Variants in MACROD2 observed in about 807,000 individuals in gnomAD.
MACROD2 encodes mono-ADP ribosylhydrolase 2.
Under a neutral mutation model 70.4 loss-of-function variants are expected in MACROD2, and 36 were observed. That is an observed-to-expected ratio of 0.51 (90% CI 0.39 to 0.68). The LOEUF (loss-of-function observed/expected upper bound fraction) is 0.68, where lower values mean the gene tolerates loss of function less well. Ranked by LOEUF, MACROD2 falls within the 30% of genes least tolerant of loss-of-function variation. The pLI is 0.00. For synonymous variants in MACROD2, 172 were observed against 178.8 expected, an observed-to-expected ratio of 0.96 and a Z score of 0.30; for missense variants, 496 against 538.4, an observed-to-expected ratio of 0.92 and a Z score of 0.78.
intron 8 of MACROD2, among the ~76,000 whole-genome samples, chr20:15,526,913 C>T (rs1048632284): frequency 3.9e-5 from 6 of 152,092 alleles, no homozygotes; most frequent in South Asian, 2.1e-4. Flanking sequence ...TTCCTAGGCA[C>T]AATTCATTTA....
At chr20:15,297,463 A>T (rs6043180) in intron 6 of MACROD2, among the ~76,000 whole-genome samples, 67,651 of 152,026 alleles carry the variant, frequency 0.44, 15,727 homozygotes, top group African/African-American at 0.6. Context: ...TTTACTAGCA[A>T]AGAGGGCCAT....
intron 5 of MACROD2, among the ~76,000 whole-genome samples, chr20:15,020,505 A>G (rs961556143): frequency 6.6e-6 from 1 of 152,198 alleles, no homozygotes; most frequent in African/African-American, 2.4e-5. Flanking sequence ...GCCAATTTTA[A>G]AAGGCTACAT....
At chr20:14,193,717 GAAA>G (rs1160122796) in intron 3 of MACROD2, among the ~76,000 whole-genome samples, 1 of 152,064 alleles carries the variant, frequency 6.6e-6, no homozygotes, top group African/African-American at 2.4e-5. Flanking sequence ...GTGGGAAAGA[GAAA>G]AAAATACCCT....
chr20:14,552,860 A>C (rs1978752770), intron 4 of MACROD2, among the ~76,000 whole-genome samples: 1 of 152,178 alleles, frequency 6.6e-6, no homozygotes, highest in African/African-American at 2.4e-5. Context: ...TGCAGGACTG[A>C]AAGTTGCTTT....
chr20:15,221,965 A>G (rs1161569615), intron 5 of MACROD2, among the ~76,000 whole-genome samples: 2 of 152,214 alleles, frequency 1.3e-5, no homozygotes, highest in Non-Finnish European at 2.9e-5. Context: ...AACCTTAGAC[A>G]TAGATATCTT....
intron 3 of MACROD2, among the ~76,000 whole-genome samples, chr20:14,217,978 A>T (rs1290320712): frequency 6.6e-6 from 1 of 152,142 alleles, no homozygotes; most frequent in Non-Finnish European, 1.5e-5. Context: ...GTTGAATAGA[A>T]TGTGTATTCT....
In MACROD2 at chr20:16,045,855, T is replaced by G. The variant is rs1035244649; in HGVS notation, c.1300+1216T>G. Among the ~76,000 whole-genome samples, 3 of 152,156 alleles carry G rather than the reference T, an allele frequency of 2.0e-5. No homozygotes were observed. In the East Asian group the frequency reaches 5.8e-4, roughly 29 times the overall value. ...GGGAGCAAAATGGAGCTAGTCATGC[T>G]AAGCCTCCTTTACACTGCTACCTGA... On this transcript the variant is annotated intron_variant, in intron 17 of 17. Coordinates refer to ENST00000684519, the MANE Select transcript of MACROD2 (RefSeq NM_001351661.2).
chr20:15,846,416 C>T (rs749671390), intron 8 of MACROD2, among the ~76,000 whole-genome samples: 6 of 152,022 alleles, frequency 3.9e-5, no homozygotes, highest in South Asian at 4.1e-4. Flanking sequence ...GTTTGCCCCA[C>T]CCCTCCAACA....
At position 15,249,699 on chromosome 20, in the gene MACROD2, G is replaced by A. The variant is rs79409612; in HGVS notation, c.540+19638G>A. On this transcript the variant is annotated intron_variant, in intron 6 of 17. Coordinates refer to ENST00000684519, the MANE Select transcript of MACROD2 (RefSeq NM_001351661.2). ...CAGTTTCAAAATTAGATCATGCAAC[G>A]TTCCTTTTCTTGATGCTACGTTATT... Among the ~76,000 whole-genome samples, 352 of 152,312 alleles carry A rather than the reference G, an allele frequency of 2.3e-3. 6 individuals carry two copies. In the East Asian group the frequency reaches 0.062, roughly 27 times the overall value.
chr20:14,712,777 G>T (rs1370828653), intron 5 of MACROD2, among the ~76,000 whole-genome samples: 1 of 152,052 alleles, frequency 6.6e-6, no homozygotes, highest in African/African-American at 2.4e-5. Context: ...CACTCAGTTA[G>T]ACTGTTGGGA....
intron 3 of MACROD2, among the ~76,000 whole-genome samples, chr20:14,109,230 A>G (rs963472467): frequency 6.6e-6 from 1 of 152,046 alleles, no homozygotes; most frequent in African/African-American, 2.4e-5. Context: ...GGTAACGGAG[A>G]CAAAATGTAC....
chr20:15,742,120 A>G (rs2051114631), intron 8 of MACROD2, among the ~76,000 whole-genome samples: 1 of 152,128 alleles, frequency 6.6e-6, no homozygotes, highest in African/African-American at 2.4e-5. Context: ...GATTTATTCT[A>G]TTTTCTTTAT....
intron 5 of MACROD2, among the ~76,000 whole-genome samples, chr20:14,810,373 T>G (rs1346807420): frequency 6.6e-6 from 1 of 152,070 alleles, no homozygotes; most frequent in Non-Finnish European, 1.5e-5. Context: ...GGAAAAGCCT[T>G]TGATAAAATT....
intron 3 of MACROD2, among the ~76,000 whole-genome samples, chr20:14,384,450 C>G (rs1033400242): frequency 6.7e-6 from 1 of 149,434 alleles, no homozygotes; most frequent in Non-Finnish European, 1.5e-5. Context: ...AAGATAAATA[C>G]AAATGTTTTG....
intron 3 of MACROD2, among the ~76,000 whole-genome samples, chr20:14,100,788 T>G (rs1283956375): frequency 7.3e-6 from 1 of 137,382 alleles, no homozygotes; most frequent in African/African-American, 2.7e-5. Context: ...TATTACATAT[T>G]ATATATTATA....
chr20:15,288,979 C>A lies in MACROD2; in HGVS notation c.540+58918C>A, dbSNP rs572285577. ...CAAAGACTGTTTCTGACACTATTGA[C>A]CAATATCCACATCAAGGGTCTGGTT... On this transcript the variant is annotated intron_variant, in intron 6 of 17. Coordinates refer to ENST00000684519, the MANE Select transcript of MACROD2 (RefSeq NM_001351661.2). Among the ~76,000 whole-genome samples, 27 of 152,080 alleles carry A rather than the reference C, an allele frequency of 1.8e-4. No homozygotes were observed. The East Asian group carries it at 4.1e-3, about 23-fold the overall frequency.
intron 2 of MACROD2, among the ~76,000 whole-genome samples, chr20:14,030,112 A>G (rs2053228281): frequency 6.6e-6 from 1 of 152,218 alleles, no homozygotes; most frequent in Non-Finnish European, 1.5e-5. Flanking sequence ...AGCTCACTGC[A>G]GCCTCCAACT....
intron 4 of MACROD2, among the ~76,000 whole-genome samples, chr20:14,594,151 G>C (rs764112863): frequency 1.3e-5 from 2 of 152,162 alleles, no homozygotes; most frequent in Non-Finnish European, 2.9e-5. Context: ...GTAAGGAACT[G>C]CAAGGACCTT....
chr20:14,368,919 A>G (rs2083297792), intron 3 of MACROD2, among the ~76,000 whole-genome samples: 1 of 152,184 alleles, frequency 6.6e-6, no homozygotes, highest in Non-Finnish European at 1.5e-5. Context: ...TTGCTAGGCT[A>G]TTTTTAAGCT....
Sources: allele counts gnomAD v4.1 joint callset (sites outside exome capture counted in the v4.1 genomes callset), GRCh38; gene constraint gnomAD v4.1.1; transcripts MANE v1.5; gene names NCBI Gene and HGNC (gene_info 2026-07-23, HGNC 2026-07-21).